TGM7: variants seen among roughly 807,000 people sequenced by gnomAD.
The protein encoded by TGM7 is transglutaminase 7, also known as protein-glutamine gamma-glutamyltransferase Z.
A neutral mutation model predicts 79.5 loss-of-function variants in TGM7; 74 were observed. The observed-to-expected ratio is 0.93, with a 90% confidence interval of 0.77 to 1.13. The LOEUF is 1.13. Ranked by LOEUF, TGM7 falls within the 50% of genes most tolerant of loss-of-function variation. TGM7 has a pLI of 0.00. For missense variants in TGM7, 912 were observed against 905.9 expected (o/e 1.01, Z -0.09); for synonymous variants, 354 against 362.5 (o/e 0.98, Z 0.27).
At position 43,276,595 on chromosome 15, in the gene TGM7, C is replaced by T. The variant is rs377667253; in HGVS notation, c.1993G>A (p.Gly665Arg). The T allele has an allele frequency of 2.2e-5, 36 of 1,613,418 alleles. No individual in the cohort carries two copies. Among genetic ancestry groups the T allele is most frequent in the Middle Eastern group, 3.3e-4 (2 of 6,074 alleles). Residue 665 changes from glycine (G) to arginine (R), a missense_variant, in exon 13 of 13, where the codon GGA becomes AGA. Transcript: ENST00000452443. ...IAKDLGTLVA[G>R]HTLQIQLDLY... Reference sequence around the variant, plus strand: ...TCCAGTTGAATTTGGAGGGTGTGTCCGGCCACCAGAGTCCCAAGGCTGAAA... The same window carrying T: ...TCCAGTTGAATTTGGAGGGTGTGTCTGGCCACCAGAGTCCCAAGGCTGAAA...
chr15:43,297,464 A>T (rs1340365409), intron 1 of TGM7, among the ~76,000 whole-genome samples: 1 of 150,898 alleles, frequency 6.6e-6, no homozygotes, highest in African/African-American at 2.5e-5. Flanking sequence ...AAAAAGAGAG[A>T]AAGAGAGACA....
chr15:43,279,359 TAGAATTTTCACGTG>T, intron 10 of TGM7, 82 bp from the exon 11 acceptor site: 1 of 1,480,988 alleles, frequency 6.8e-7, no homozygotes, highest in Non-Finnish European at 9.2e-7. Context: ...GAGGAAAAAT[TAGAATTTTCACGTG>T]AGAGGTAAAA....
At chr15:43,278,389 T>A (rs962100447) in intron 11 of TGM7, among the ~76,000 whole-genome samples, 1 of 152,258 alleles carries the variant, frequency 6.6e-6, no homozygotes, top group African/African-American at 2.4e-5. Context: ...CACTCAGGCA[T>A]CTGAACTCAA....
At chr15:43,302,212 G>A (rs566686505) in intron 1 of TGM7, 29 bp downstream of exon 1, 19 of 1,613,992 alleles carry the variant, frequency 1.2e-5, no homozygotes, top group Admixed American at 5.0e-5. Flanking sequence ...TAGCACCTCC[G>A]AAAAGGTAAG....
rs2042902708 is a variant in TGM7 at position 43,280,558 on chromosome 15, G to C, written c.1352-607C>G. Reference sequence around the variant, plus strand: ...GAATAGCTTGAACCCAGGAGGTGGAGGTTGCAGTGAGCCGAGATTGCGCCA... The same window carrying C: ...GAATAGCTTGAACCCAGGAGGTGGACGTTGCAGTGAGCCGAGATTGCGCCA... On this transcript the variant is annotated intron_variant, in intron 9 of 12. Coordinates refer to ENST00000452443, the MANE Select transcript of TGM7 (RefSeq NM_052955.3). Among the ~76,000 whole-genome samples the C allele has an allele frequency of 3.3e-5, 5 of 152,276 alleles. No individual in the cohort carries two copies. In the South Asian group the frequency reaches 1.0e-3, roughly 32 times the overall value.
chr15:43,285,183 A>G (rs2042929034), intron 6 of TGM7, among the ~76,000 whole-genome samples: 1 of 152,172 alleles, frequency 6.6e-6, no homozygotes, highest in African/African-American at 2.4e-5. Context: ...CGCTTAAAAC[A>G]ACAGTTAACA....
intron 2 of TGM7, 152 bp from the exon 3 acceptor site, chr15:43,293,106 G>A: frequency 9.0e-7 from 1 of 1,111,028 alleles, no homozygotes; most frequent in Non-Finnish European, 1.3e-6. Context: ...AACCATTTAA[G>A]ACCCCCAGGC....
chr15:43,290,451 T>A (rs1183939101), intron 4 of TGM7, among the ~76,000 whole-genome samples: 1 of 152,238 alleles, frequency 6.6e-6, no homozygotes, highest in African/African-American at 2.4e-5. Context: ...AGTACCATGC[T>A]GTTTTGGTTA....
At chr15:43,279,517 G>A in intron 10 of TGM7, 108 bp downstream of exon 10, 3 of 1,366,752 alleles carry the variant, frequency 2.2e-6, no homozygotes, top group Non-Finnish European at 3.0e-6. Flanking sequence ...ATGTGTGTGT[G>A]TTGGAGGAAG....
chr15:43,301,272 C>T (rs1007449794), intron 1 of TGM7, among the ~76,000 whole-genome samples: 10 of 151,902 alleles, frequency 6.6e-5, no homozygotes, highest in African/African-American at 2.4e-4. Flanking sequence ...CCTGTGCCAC[C>T]ACGCCCAGTG....
rs1269655805 is a variant in TGM7 at position 43,282,570 on chromosome 15, G to C, written c.1055C>G (p.Pro352Arg). 4 of 1,603,210 alleles carry C rather than the reference G, an allele frequency of 2.5e-6. No homozygotes were observed. The highest frequency in any genetic ancestry group is 4.5e-5 in the East Asian group (2 of 44,700). ...CAGAACCTGCCACCCGTTGTATCCTGGTGGGAGATCTTTCCGGATCATCCA... is the reference window on the plus strand; with the variant it reads ...CAGAACCTGCCACCCGTTGTATCCTCGTGGGAGATCTTTCCGGATCATCCA... ...ECWMIRKDLP[P>R]GYNGWQVLDP... Residue 352 changes from proline to arginine, a missense_variant, in exon 8 of 13, where the codon CCA becomes CGA. Transcript: ENST00000452443.
chr15:43,282,456 G>A, intron 8 of TGM7, 61 bp downstream of exon 8: 2 of 1,438,286 alleles, frequency 1.4e-6, no homozygotes, highest in Non-Finnish European at 1.9e-6. Context: ...TGCTCCCACG[G>A]CCAGTCACCC....
rs3038034 is a variant in TGM7, at chr15:43,297,587, TAGAAAGAA to T, written c.11-3964_11-3957del. ...ACATTGAAACAGCCATCTGCATGTA[TAGAAAGAA>T]AGAAAGAAAGAAAGAAAGAAAGAAA... On this transcript the variant is annotated intron_variant, in intron 1 of 12. Coordinates refer to ENST00000452443, the MANE Select transcript of TGM7 (RefSeq NM_052955.3). 7.9e-3 allele frequency among the ~76,000 whole-genome samples: 905 copies of T among 114,562 alleles called. 6 individuals carry two copies. Among genetic ancestry groups the T allele is most frequent in the African/African-American group, 0.027 (758 of 27,708 alleles). 75.2% of individuals were successfully genotyped at this position (114,562 alleles called of 152,430 possible). A position where few individuals can be genotyped will look rare whatever the true frequency, so the allele number is the denominator to read the frequency against.
At chr15:43,286,693 C>T (rs1170898445) in intron 6 of TGM7, among the ~76,000 whole-genome samples, 2 of 152,180 alleles carry the variant, frequency 1.3e-5, no homozygotes, top group Non-Finnish European at 2.9e-5. Flanking sequence ...CAGATTCTGG[C>T]CTTGCAAGGG....
At chr15:43,291,048 C>T (rs888161242) in intron 4 of TGM7, among the ~76,000 whole-genome samples, 9 of 152,094 alleles carry the variant, frequency 5.9e-5, no homozygotes, top group African/African-American at 2.2e-4. Flanking sequence ...AATTGAATAC[C>T]CTTTATTTCC....
At chr15:43,279,092 G>C (rs1349424371) in intron 11 of TGM7, 25 bp downstream of exon 11, 1 of 1,599,334 alleles carries the variant, frequency 6.3e-7, no homozygotes, top group Non-Finnish European at 8.5e-7. Context: ...GAGCCTCAGA[G>C]CCCCCACCCA....
At chr15:43,301,136 C>T (rs2043023346) in intron 1 of TGM7, among the ~76,000 whole-genome samples, 1 of 152,008 alleles carries the variant, frequency 6.6e-6, no homozygotes, top group South Asian at 2.1e-4. Context: ...ACTTGTGCCA[C>T]CATACCCGGC....
intron 9 of TGM7, 105 bp downstream of exon 9, chr15:43,281,739 G>A (rs1447365528): frequency 1.3e-6 from 2 of 1,530,508 alleles, no homozygotes; most frequent in Non-Finnish European, 1.8e-6. Flanking sequence ...TTTGCCATGA[G>A]GAAGAGGTGA....
chr15:43,292,694 G>T lies in TGM7; in HGVS notation c.439+15C>A. On this transcript the variant is annotated intron_variant, in intron 3 of 12. Coordinates refer to ENST00000452443, the MANE Select transcript of TGM7 (RefSeq NM_052955.3). Reference sequence around the variant, plus strand: ...ATGGATCAGGTTAGCAATACAAGCTGTGGGCACATCCTACCTGGACTCCAA... The same window carrying T: ...ATGGATCAGGTTAGCAATACAAGCTTTGGGCACATCCTACCTGGACTCCAA... 2 of 1,613,380 alleles carry T rather than the reference G, an allele frequency of 1.2e-6. No individual in the cohort carries two copies. Among genetic ancestry groups the T allele is most frequent in the Non-Finnish European group, 1.7e-6 (2 of 1,179,516 alleles).
Sources: allele counts gnomAD v4.1 joint callset (sites outside exome capture counted in the v4.1 genomes callset), GRCh38; gene constraint gnomAD v4.1.1; transcripts MANE v1.5; gene names NCBI Gene and HGNC (gene_info 2026-07-23, HGNC 2026-07-21).